The following GPC3 variants were observed in gnomAD, a reference collection of about 807,000 sequenced individuals.
GPC3 encodes the protein glypican-3.
A neutral mutation model predicts 34.4 loss-of-function variants in GPC3; 3 were observed. The observed-to-expected ratio is 0.09, with a 90% CI of 0.04 to 0.23. The LOEUF (loss-of-function observed/expected upper bound fraction) is 0.23, where lower values mean the gene tolerates loss of function less well. Ranked by LOEUF, GPC3 falls within the 10% of genes least tolerant of loss-of-function variation. The pLI is 1.00. For synonymous variants in GPC3, 177 were observed against 174.0 expected (o/e 1.02, Z -0.13); for missense variants, 351 against 445.6 (o/e 0.79, Z 1.91).
At chrX:133,603,679 C>G (rs761792585) in intron 6 of GPC3, among the ~76,000 whole-genome samples, 1 of 111,163 alleles carries the variant, frequency 9.0e-6, no homozygotes, top group East Asian at 2.8e-4. Flanking sequence ...AGCCTTGGAA[C>G]AGGTACTCAG....
At chrX:133,792,751 C>T (rs993776560) in intron 2 of GPC3, among the ~76,000 whole-genome samples, 1 of 111,809 alleles carries the variant, frequency 8.9e-6, no homozygotes, top group African/African-American at 3.3e-5. Flanking sequence ...ATGTGAGGAG[C>T]TGCAGACTGC....
intron 2 of GPC3, among the ~76,000 whole-genome samples, chrX:133,755,812 C>G (rs1427143780): frequency 1.8e-5 from 2 of 112,418 alleles, no homozygotes; most frequent in Admixed American, 1.9e-4. Flanking sequence ...CCACATGCTA[C>G]TTTAGTCTCA....
At chrX:133,554,312 ATTTT>A (rs756600163) in intron 7 of GPC3, among the ~76,000 whole-genome samples, 2 of 88,012 alleles carry the variant, frequency 2.3e-5, no homozygotes, top group Non-Finnish European at 4.5e-5. Flanking sequence ...GTATCTGGCA[ATTTT>A]TTTTTTTTTT....
At chrX:133,827,773 A>G (rs2075755195) in intron 2 of GPC3, among the ~76,000 whole-genome samples, 2 of 107,011 alleles carry the variant, frequency 1.9e-5, no homozygotes, top group African/African-American at 6.8e-5. Context: ...ACAGAGTGAG[A>G]CTCCATCTCA....
intron 2 of GPC3, among the ~76,000 whole-genome samples, chrX:133,781,764 T>C (rs1294308115): frequency 9.0e-6 from 1 of 111,394 alleles, no homozygotes; most frequent in Non-Finnish European, 1.9e-5. Flanking sequence ...CTACCCTTCC[T>C]TGTTTAGCCT....
chrX:133,782,021 A>G (rs1231430366), intron 2 of GPC3, among the ~76,000 whole-genome samples: 2 of 111,832 alleles, frequency 1.8e-5, no homozygotes, highest in East Asian at 2.8e-4. Flanking sequence ...AAAGACCTCT[A>G]CAAATCATGC....
At chrX:133,715,005 G>T (rs1185486402) in intron 3 of GPC3, among the ~76,000 whole-genome samples, 1 of 111,860 alleles carries the variant, frequency 8.9e-6, no homozygotes, top group Non-Finnish European at 1.9e-5. Context: ...GCAAAGTATT[G>T]TTCCTGGGTG....
At chrX:133,794,191 TG>T (rs1327955510) in intron 2 of GPC3, among the ~76,000 whole-genome samples, 2 of 112,305 alleles carry the variant, frequency 1.8e-5, no homozygotes, top group Non-Finnish European at 3.8e-5. Flanking sequence ...TCAGTTCACC[TG>T]GTCCAGGGTG....
At position 133,825,046 on chromosome X, in the gene GPC3, G is replaced by A. The variant is rs762411997; in HGVS notation, c.338-70870C>T. Among the ~76,000 whole-genome samples, 11 of 111,072 alleles carry A rather than the reference G, an allele frequency of 9.9e-5. No homozygotes were observed. The East Asian group carries it at 2.3e-3, about 23-fold the overall frequency. ...ACTTTTTTATATTTTTAGTAGAGAC[G>A]GGGTTTCACCGTGTTAGCCAGGCTG... On this transcript the variant is annotated intron_variant, in intron 2 of 7. Transcript: ENST00000370818.
intron 2 of GPC3, chrX:133,762,877 A>G: frequency 1.9e-6 from 1 of 539,618 alleles, no homozygotes; most frequent in Non-Finnish European, 3.4e-6. Flanking sequence ...CTTAGGTGGC[A>G]CCAGCCCTGA....
intron 2 of GPC3, among the ~76,000 whole-genome samples, chrX:133,920,386 CAATT>C (rs1408679105): frequency 9.0e-6 from 1 of 111,008 alleles, no homozygotes; most frequent in African/African-American, 3.3e-5. Context: ...TCATATTCCT[CAATT>C]ATTTTACTTT....
chrX:133,685,680 A>T (rs1420340513), intron 5 of GPC3, among the ~76,000 whole-genome samples: 1 of 110,354 alleles, frequency 9.1e-6, no homozygotes, highest in African/African-American at 3.3e-5. Context: ...GAGTTTATTT[A>T]GTAAGGCCAG....
chrX:133,763,347 C>T (rs1268999185), intron 2 of GPC3: 10 of 552,128 alleles, frequency 1.8e-5, no homozygotes, highest in Non-Finnish European at 1.3e-5. Flanking sequence ...AAGTTCTGCA[C>T]ACGCGTGGTA....
intron 2 of GPC3, among the ~76,000 whole-genome samples, chrX:133,892,644 A>G (rs1408157663): frequency 9.1e-6 from 1 of 109,860 alleles, no homozygotes; most frequent in Non-Finnish European, 1.9e-5. Context: ...CAGTATTCCT[A>G]TGGTGACACC....
At chrX:133,786,379 G>C (rs1432844678) in intron 2 of GPC3, among the ~76,000 whole-genome samples, 1 of 112,335 alleles carries the variant, frequency 8.9e-6, no homozygotes. Flanking sequence ...TGGGTGACAA[G>C]AGCGAAACTC....
intron 6 of GPC3, among the ~76,000 whole-genome samples, chrX:133,622,275 C>T (rs1179772935): frequency 1.8e-5 from 2 of 112,133 alleles, no homozygotes; most frequent in African/African-American, 6.5e-5. Flanking sequence ...CAGCTCCTCA[C>T]CAGCAACAGA....
rs747231347 is a variant in GPC3, at chrX:133,870,211, T to C, written c.337+82839A>G. 2.7e-5 allele frequency among the ~76,000 whole-genome samples: 3 copies of C among 112,229 alleles called. No individual in the cohort carries two copies. The East Asian group carries it at 8.4e-4, about 32-fold the overall frequency. ...GAATGAATGGTCAAAAAATTGATGA[T>C]TTAAATTATCACTTTTCTTATTCCA... On this transcript the variant is annotated intron_variant, in intron 2 of 7. Transcript: ENST00000370818.
At chrX:133,538,292 T>A (rs184295065) in intron 7 of GPC3, among the ~76,000 whole-genome samples, 185 of 112,302 alleles carry the variant, frequency 1.6e-3, no homozygotes, top group African/African-American at 5.8e-3. Context: ...CAGGCTTAGG[T>A]CATGATCGGG....
chrX:133,741,294 A>G lies in GPC3; in HGVS notation c.1032+12188T>C, dbSNP rs745769329. On this transcript the variant is annotated intron_variant, in intron 3 of 7. Transcript: ENST00000370818. Reference sequence around the variant, plus strand: ...TGTTGTTTAAGCCAAAAAAAAAAAAAAAAGAAAGAAAACTTTAATTAGGAT... The same window carrying G: ...TGTTGTTTAAGCCAAAAAAAAAAAAGAAAGAAAGAAAACTTTAATTAGGAT... 7.2e-3 allele frequency among the ~76,000 whole-genome samples: 802 copies of G among 110,909 alleles called. 5 individuals carry two copies. The highest frequency in any genetic ancestry group is 0.024 in the African/African-American group (740 of 30,620).
Sources: gnomAD v4.1 joint callset for allele counts (sites outside exome capture counted in the v4.1 genomes callset) on GRCh38, gnomAD v4.1.1 for gene constraint, MANE v1.5 for transcripts, NCBI Gene and HGNC (gene_info 2026-07-23, HGNC 2026-07-21) for gene names.